Variants in DNAH9 observed in about 807,000 individuals in gnomAD.
The protein encoded by DNAH9 is DNAH9 variant protein.
Under a neutral mutation model 471.6 loss-of-function variants are expected in DNAH9, and 345 were observed. The observed-to-expected ratio is 0.73, with a 90% CI of 0.67 to 0.80. The LOEUF (loss-of-function observed/expected upper bound fraction) is 0.80. Ranked by LOEUF, DNAH9 falls within the 30% of genes least tolerant of loss-of-function variation. The pLI, the probability that DNAH9 is intolerant of heterozygous loss-of-function variation, is 0.00. For synonymous variants in DNAH9, 2,093 were observed against 2,123.6 expected (o/e 0.99, Z 0.40); for missense variants, 5,407 against 5,609.2 (o/e 0.96, Z 1.15).
chr17:11,954,795 GAA>G (rs1975556890), intron 67 of DNAH9, among the ~76,000 whole-genome samples: 1 of 147,720 alleles, frequency 6.8e-6, no homozygotes. Context: ...AAAAGAGAGA[GAA>G]AGAAATTTCT....
At chr17:11,608,375 T>C in intron 2 of DNAH9, 50 bp downstream of exon 2, 1 of 1,371,990 alleles carries the variant, frequency 7.3e-7, no homozygotes, top group Non-Finnish European at 1.0e-6. Context: ...TGGGAGATGC[T>C]GGTTATCAGA....
At chr17:11,946,161 C>A (rs1597861399) in intron 67 of DNAH9, among the ~76,000 whole-genome samples, 1 of 135,816 alleles carries the variant, frequency 7.4e-6, no homozygotes. Context: ...GATCATGCCA[C>A]TGCACTCCAG....
chr17:11,615,633 C>G (rs1400306973), intron 4 of DNAH9, among the ~76,000 whole-genome samples: 1 of 152,122 alleles, frequency 6.6e-6, no homozygotes, highest in Middle Eastern at 3.2e-3. Flanking sequence ...CTCTCTCTCT[C>G]TCTTCATATG....
chr17:11,917,473 C>T lies in DNAH9; in HGVS notation c.11750-6341C>T, dbSNP rs1239149001. Among the ~76,000 whole-genome samples, 8 of 152,142 alleles carry T rather than the reference C, an allele frequency of 5.3e-5. 1 individual carries two copies. The highest frequency in any genetic ancestry group is 3.9e-4 in the East Asian group (2 of 5,154). ...CATCTGGCTGGCCTCTATTTTAACACGAAAGCTACCACCATCCACCCTCAC... is the reference window on the plus strand; with the variant it reads ...CATCTGGCTGGCCTCTATTTTAACATGAAAGCTACCACCATCCACCCTCAC... On this transcript the variant is annotated intron_variant, in intron 61 of 68. Transcript: ENST00000262442.
At chr17:11,877,014 G>A (rs570846204) in intron 53 of DNAH9, among the ~76,000 whole-genome samples, 7 of 151,704 alleles carry the variant, frequency 4.6e-5, no homozygotes, top group East Asian at 1.9e-4. Flanking sequence ...CACTGCACCC[G>A]GCCAGTTTTG....
At chr17:11,675,412 G>A (rs2074033735) in intron 17 of DNAH9, among the ~76,000 whole-genome samples, 3 of 151,844 alleles carry the variant, frequency 2.0e-5, no homozygotes, top group Admixed American at 2.0e-4. Context: ...TTCCTTCTCG[G>A]TCTTTATGCT....
intron 48 of DNAH9, among the ~76,000 whole-genome samples, chr17:11,827,789 G>A (rs749312324): frequency 1.3e-5 from 2 of 151,754 alleles, no homozygotes; most frequent in Admixed American, 6.6e-5. Flanking sequence ...AGGCTCAAGC[G>A]ATTCTCCTGC....
intron 48 of DNAH9, among the ~76,000 whole-genome samples, chr17:11,829,238 G>T (rs905404977): frequency 2.0e-5 from 3 of 152,106 alleles, no homozygotes; most frequent in South Asian, 4.1e-4. Context: ...GTGGTATAAG[G>T]CTAAGGACTT....
chr17:11,969,174 G>T, intron 68 of DNAH9, 126 bp from the exon 69 acceptor site: 1 of 748,296 alleles, frequency 1.3e-6, no homozygotes, highest in South Asian at 1.8e-5. Context: ...AACCTGGAAG[G>T]GGGCAGGCAT....
chr17:11,809,984 A>C (rs1027475828), intron 44 of DNAH9, among the ~76,000 whole-genome samples: 1 of 152,138 alleles, frequency 6.6e-6, no homozygotes, highest in African/African-American at 2.4e-5. Context: ...AGAGAGGTAC[A>C]GGAGCTAGCA....
At chr17:11,640,465 C>G (rs142190722) in intron 10 of DNAH9, 81 bp downstream of exon 10, 59 of 960,084 alleles carry the variant, frequency 6.1e-5, no homozygotes, top group Middle Eastern at 2.1e-4. Flanking sequence ...AGAAATGCAA[C>G]CTGCTTAACG....
intron 49 of DNAH9, among the ~76,000 whole-genome samples, chr17:11,839,373 G>A (rs908853031): frequency 9.9e-5 from 15 of 152,084 alleles, no homozygotes; most frequent in Admixed American, 6.6e-4. Context: ...AAAATTAGCC[G>A]GGCACGGTGG....
chr17:11,636,265 A>G (rs576890053), intron 8 of DNAH9, among the ~76,000 whole-genome samples: 2 of 152,258 alleles, frequency 1.3e-5, no homozygotes, highest in Admixed American at 1.3e-4. Context: ...GGGCCTCCCA[A>G]AGTGCTGAAA....
Position 11,881,234 on chromosome 17 carries a change from T to C in DNAH9, c.10627T>C (p.Cys3543Arg). ...GRFIKIGDKE[C>R]EYNPKFRLIL... ...ATTCATTAAAATTGGAGACAAAGAA[T>C]GTGAATACAATCCCAAGTTCCGGCT... The change falls in exon 55 of 69, where the codon TGT (cysteine) becomes CGT (arginine). Residue 3543 changes from cysteine to arginine, a missense_variant. By Grantham distance (180) the Cys-to-Arg change is radical (BLOSUM62 -3). Transcript: ENST00000262442. The C allele has an allele frequency of 6.2e-7, 1 of 1,614,174 alleles. No individual in the cohort carries two copies. The highest frequency in any genetic ancestry group is 8.5e-7 in the Non-Finnish European group (1 of 1,180,030).
intron 26 of DNAH9, among the ~76,000 whole-genome samples, chr17:11,705,781 C>CTTT (rs979028887): frequency 7.9e-5 from 12 of 152,238 alleles, no homozygotes; most frequent in Admixed American, 2.6e-4. Context: ...TGATGAATAA[C>CTTT]TCAAATACCC....
intron 28 of DNAH9, among the ~76,000 whole-genome samples, chr17:11,737,525 G>A (rs2075367226): frequency 6.6e-6 from 1 of 152,162 alleles, no homozygotes; most frequent in Non-Finnish European, 1.5e-5. Context: ...TCTGGGGCCG[G>A]GCTGGACAAG....
intron 67 of DNAH9, among the ~76,000 whole-genome samples, chr17:11,957,568 GA>G (rs796811713): frequency 0.084 from 8,288 of 99,064 alleles, 756 homozygotes; most frequent in African/African-American, 0.25. Context: ...CAGAATGGGA[GA>G]AAAAAAAAAA....
At chr17:11,902,616 C>A in intron 59 of DNAH9, 103 bp from the exon 60 acceptor site, 1 of 1,069,346 alleles carries the variant, frequency 9.4e-7, no homozygotes, top group Non-Finnish European at 1.4e-6. Context: ...ATAAATGAGA[C>A]AGAATTGTGT....
At chr17:11,813,591 C>T (rs987969648) in intron 45 of DNAH9, among the ~76,000 whole-genome samples, 2 of 152,282 alleles carry the variant, frequency 1.3e-5, no homozygotes, top group East Asian at 3.9e-4. Flanking sequence ...TGTACAAGTC[C>T]TACGAGGTTG....
Sources: allele counts gnomAD v4.1 joint callset (sites outside exome capture counted in the v4.1 genomes callset), GRCh38; gene constraint gnomAD v4.1.1; transcripts MANE v1.5; gene names NCBI Gene and HGNC (gene_info 2026-07-23, HGNC 2026-07-21).